ABR: variants seen among roughly 807,000 people sequenced by gnomAD.
ABR encodes ABR activator of RhoGEF and GTPase.
A neutral mutation model predicts 107.2 loss-of-function variants in ABR; 35 were observed. The observed-to-expected ratio is 0.33, with a 90% CI of 0.25 to 0.43. ABR has a LOEUF of 0.43. ABR is among the 20% of genes least tolerant of loss of function. The pLI is 1.00. For missense variants in ABR, 815 were observed against 1,115.2 expected, an observed-to-expected ratio of 0.73 and a Z score of 3.83; for synonymous variants, 498 against 462.0, an observed-to-expected ratio of 1.08 and a Z score of -1.00.
chr17:1,044,229 TG>T (rs2031190075), intron 16 of ABR, among the ~76,000 whole-genome samples: 2 of 152,152 alleles, frequency 1.3e-5, no homozygotes, highest in Non-Finnish European at 1.5e-5. Flanking sequence ...CGGACCTGGA[TG>T]GGGTCCCTGA....
intron 1 of ABR, among the ~76,000 whole-genome samples, chr17:1,129,340 C>T (rs2039725358): frequency 1.5e-5 from 2 of 137,574 alleles, no homozygotes; most frequent in African/African-American, 2.6e-5. Flanking sequence ...GAGATCAAGA[C>T]CATACTGGCC....
intron 16 of ABR, among the ~76,000 whole-genome samples, chr17:1,028,754 A>G (rs1019038057): frequency 1.6e-3 from 250 of 152,068 alleles, no homozygotes; most frequent in African/African-American, 5.7e-3. Context: ...ATCTCCTTAC[A>G]CCCTGCCGGC....
intron 4 of ABR, among the ~76,000 whole-genome samples, chr17:1,089,063 T>C (rs1567733445): frequency 6.6e-6 from 1 of 151,594 alleles, no homozygotes; most frequent in Non-Finnish European, 1.5e-5. Flanking sequence ...ACCCTGCTAA[T>C]TTTTTTGTAT....
intron 1 of ABR, among the ~76,000 whole-genome samples, chr17:1,197,441 C>A (rs1241319308): frequency 2.0e-5 from 3 of 151,584 alleles, no homozygotes; most frequent in Non-Finnish European, 4.4e-5. Flanking sequence ...CCTGACCGGT[C>A]ATTCTGAAGC....
At chr17:1,030,779 T>C (rs2072664598) in intron 16 of ABR, among the ~76,000 whole-genome samples, 1 of 152,224 alleles carries the variant, frequency 6.6e-6, no homozygotes, top group Non-Finnish European at 1.5e-5. Context: ...GCCTCCCTTG[T>C]TGCTCTCTTG....
chr17:1,004,032 C>A lies in ABR; in HGVS notation c.*2048G>T, dbSNP rs1367600747. The A allele has an allele frequency of 6.6e-6, 1 of 152,254 alleles. No homozygotes were observed. The highest frequency in any genetic ancestry group is 1.5e-5 in the Non-Finnish European group (1 of 68,058). The allele number at this position is 152,254 out of a possible 1,614,324, so 9.4% of individuals were successfully genotyped here. A position where few individuals can be genotyped will look rare whatever the true frequency, so the allele number is the denominator to read the frequency against. On this transcript the variant is annotated 3_prime_UTR_variant, in exon 23 of 23. Coordinates refer to ENST00000302538, the MANE Select transcript of ABR (RefSeq NM_021962.5). ...CTTCCCATAGCCTGTTCTCACGTTGCCTCAGCGAGCTTGGGGCTGTGGGGC... is the reference window on the plus strand; with the variant it reads ...CTTCCCATAGCCTGTTCTCACGTTGACTCAGCGAGCTTGGGGCTGTGGGGC...
chr17:1,145,911 G>A (rs1354043772), intron 1 of ABR, among the ~76,000 whole-genome samples: 3 of 152,198 alleles, frequency 2.0e-5, no homozygotes, highest in African/African-American at 7.2e-5. Flanking sequence ...GCTGCTGGGT[G>A]GCCACGTTCA....
At chr17:1,014,432 C>G (rs538005280) in intron 16 of ABR, among the ~76,000 whole-genome samples, 2 of 150,528 alleles carry the variant, frequency 1.3e-5, no homozygotes, top group African/African-American at 4.9e-5. Context: ...CAGAGCGAGA[C>G]TCCGTCTCAA....
chr17:1,132,366 T>C (rs1239444423), intron 1 of ABR, among the ~76,000 whole-genome samples: 1 of 142,632 alleles, frequency 7.0e-6, no homozygotes, highest in East Asian at 2.1e-4. Flanking sequence ...AATACTTGAA[T>C]ACCGAAAGCA....
chr17:1,182,639 T>G (rs1262035260), upstream of ABR, among the ~76,000 whole-genome samples: 2 of 152,190 alleles, frequency 1.3e-5, no homozygotes, highest in African/African-American at 4.8e-5. Context: ...GTGCTGGGAT[T>G]ACAGGCGTGA....
At chr17:1,220,472 G>A (rs2043099981) in intron 1 of ABR, among the ~76,000 whole-genome samples, 1 of 152,194 alleles carries the variant, frequency 6.6e-6, no homozygotes, top group Admixed American at 6.6e-5. Context: ...ACGCGGTGCA[G>A]AAATAACAGG....
chr17:1,157,648 G>A lies in ABR; in HGVS notation c.61+22019C>T, dbSNP rs1022168761. On this transcript the variant is annotated intron_variant, in intron 1 of 22. Transcript: ENST00000302538. The surrounding 1 kb of genome is among the most constrained non-coding windows in gnomAD (Gnocchi z 4.7). The stretch of plus-strand genomic sequence containing the variant: ...AAGGGAAGAGCCGCTGCTGGAACAC[G>A]CCCAGCGGAACAGGGGGAAGCCAAC... Among the ~76,000 whole-genome samples, 7 of 152,242 alleles carry A rather than the reference G, an allele frequency of 4.6e-5. No individual in the cohort carries two copies. The highest frequency in any genetic ancestry group is 2.0e-4 in the Admixed American group (3 of 15,288).
At chr17:1,100,934 CT>C in intron 2 of ABR, 199 bp from the exon 3 acceptor site, 1 of 590,788 alleles carries the variant, frequency 1.7e-6, no homozygotes. Flanking sequence ...AGTGATTCCC[CT>C]GCCTCAGCCT....
chr17:1,179,464 T>G lies in ABR; in HGVS notation c.61+203A>C. Among the ~76,000 whole-genome samples, 1 of 144,540 alleles carries G rather than the reference T, an allele frequency of 6.9e-6. No individual in the cohort carries two copies. Among genetic ancestry groups the G allele is most frequent in the African/African-American group, 2.6e-5 (1 of 38,344 alleles). The allele number at this position is 144,540 out of a possible 152,430, so 94.8% of individuals were successfully genotyped here. ...CCCGCGCCCCCCAGACCAGCCCGGC[T>G]CCTGGGTCCCGACCCCGATCCCGAT... is the stretch of plus-strand genomic sequence containing the variant. On this transcript the variant is annotated intron_variant, in intron 1 of 22. Transcript: ENST00000302538. This position sits in a 1 kb window ranked among gnomAD's most constrained non-coding sequence, Gnocchi z 4.9.
In ABR at chr17:1,010,039, T is replaced by C; in HGVS notation, c.2237-255A>G. The C allele has an allele frequency of 3.5e-6, 2 of 578,256 alleles. No individual in the cohort carries two copies. The highest frequency in any genetic ancestry group is 6.2e-6 in the Non-Finnish European group (2 of 323,314). 35.8% of individuals were successfully genotyped at this position (578,256 alleles called of 1,614,324 possible). On this transcript the variant is annotated intron_variant, in intron 20 of 22. Transcript: ENST00000302538. The surrounding 1 kb of genome is among the most constrained non-coding windows in gnomAD (Gnocchi z 4.1). ...GACCCCCTTCCTGCAGCTGACTGCA[T>C]AGGCCTTGGGTGCTGGGGCATCCCC... is the stretch of plus-strand genomic sequence containing the variant.
At chr17:1,192,051 C>CTGA (rs2042447924), upstream of ABR, among the ~76,000 whole-genome samples, 1 of 152,178 alleles carries the variant, frequency 6.6e-6, no homozygotes, top group Admixed American at 6.5e-5. Context: ...CAGGCAGTAG[C>CTGA]TGATAAAGGA....
intron 3 of ABR, among the ~76,000 whole-genome samples, chr17:1,099,783 T>C (rs771047308): frequency 2.4e-4 from 36 of 152,186 alleles, no homozygotes; most frequent in Admixed American, 4.6e-4. Flanking sequence ...TGAGGCATGT[T>C]ACCGAGGGCT....
At chr17:1,035,165 GGAA>G (rs1466325142) in intron 16 of ABR, among the ~76,000 whole-genome samples, 2 of 151,736 alleles carry the variant, frequency 1.3e-5, no homozygotes, top group African/African-American at 4.9e-5. Flanking sequence ...GGTCTTGGGT[GGAA>G]GAAGATCTGT....
chr17:1,227,827 C>A (rs1333783890), intron 1 of ABR, among the ~76,000 whole-genome samples: 28 of 152,144 alleles, frequency 1.8e-4, no homozygotes, highest in Admixed American at 1.8e-3. Context: ...GCCCCATTCC[C>A]ACTCCCTGAC....
Sources: allele counts gnomAD v4.1 joint callset (sites outside exome capture counted in the v4.1 genomes callset), GRCh38; gene constraint gnomAD v4.1.1; non-coding constraint Gnocchi (gnomAD v3.1); transcripts MANE v1.5; gene names NCBI Gene and HGNC (gene_info 2026-07-23, HGNC 2026-07-21).